ZFHX3: variants seen among roughly 807,000 people sequenced by gnomAD.
ZFHX3 encodes zinc finger homeobox protein 3.
Under a neutral mutation model 279.1 loss-of-function variants are expected in ZFHX3, and 42 were observed. The ratio of observed to expected loss-of-function variants is 0.15; its 90% CI spans 0.12 to 0.19. The LOEUF (loss-of-function observed/expected upper bound fraction) is 0.19. ZFHX3 is among the 10% of genes least tolerant of loss of function. The pLI is 1.00. For missense variants in ZFHX3, 4,981 were observed against 4,754.0 expected, an observed-to-expected ratio of 1.05 and a Z score of -1.40; for synonymous variants, 2,293 against 1,957.8, an observed-to-expected ratio of 1.17 and a Z score of -4.52.
intron 2 of ZFHX3, among the ~76,000 whole-genome samples, chr16:73,588,754 C>A (rs1039041161): frequency 6.7e-6 from 1 of 149,216 alleles, no homozygotes; most frequent in Non-Finnish European, 1.5e-5. Context: ...ATAGTCAACA[C>A]CCCCAAGGAC....
chr16:72,974,425 A>T (rs988901334), intron 1 of ZFHX3, among the ~76,000 whole-genome samples: 3 of 152,218 alleles, frequency 2.0e-5, no homozygotes, highest in Non-Finnish European at 4.4e-5. Flanking sequence ...AATGACTCTG[A>T]AACAAGGAGT....
intron 4 of ZFHX3, among the ~76,000 whole-genome samples, chr16:72,888,058 A>C (rs1012172938): frequency 6.6e-6 from 1 of 152,170 alleles, no homozygotes; most frequent in Non-Finnish European, 1.5e-5. Context: ...TAAAAACAAG[A>C]AACAGTCGTA....
chr16:72,930,142 C>T (rs1158577073), intron 3 of ZFHX3, among the ~76,000 whole-genome samples: 6 of 152,144 alleles, frequency 3.9e-5, no homozygotes, highest in Admixed American at 1.3e-4. Flanking sequence ...CACTTGAACA[C>T]GGGAGGTGGA....
At chr16:73,330,424 T>C (rs1410916166) in intron 3 of ZFHX3, among the ~76,000 whole-genome samples, 1 of 152,150 alleles carries the variant, frequency 6.6e-6, no homozygotes, top group South Asian at 2.1e-4. Flanking sequence ...TGTTAGAGGA[T>C]CATGCAAAGT....
intron 6 of ZFHX3, among the ~76,000 whole-genome samples, chr16:73,133,015 G>A (rs1966721201): frequency 6.6e-6 from 1 of 152,196 alleles, no homozygotes; most frequent in Non-Finnish European, 1.5e-5. Flanking sequence ...CTCCAGTGAT[G>A]AGCAACCTTG....
chr16:73,752,201 T>C (rs1191476306), intron 1 of ZFHX3, among the ~76,000 whole-genome samples: 2 of 152,038 alleles, frequency 1.3e-5, no homozygotes, highest in East Asian at 1.9e-4. Flanking sequence ...CAGGTAAATG[T>C]CTTGAGCTTG....
chr16:73,313,691 G>A (rs2015380226), intron 4 of ZFHX3, among the ~76,000 whole-genome samples: 1 of 152,150 alleles, frequency 6.6e-6, no homozygotes, highest in South Asian at 2.1e-4. Flanking sequence ...TCATAAAAAT[G>A]GCACAAACAT....
At chr16:73,091,602 G>A (rs1966083288) in intron 8 of ZFHX3, among the ~76,000 whole-genome samples, 1 of 152,180 alleles carries the variant, frequency 6.6e-6, no homozygotes, top group Non-Finnish European at 1.5e-5. Context: ...TTTCCTCTGA[G>A]GACCCTGATA....
intron 3 of ZFHX3, among the ~76,000 whole-genome samples, chr16:72,901,787 C>G (rs4788480): frequency 6.6e-6 from 1 of 152,044 alleles, no homozygotes; most frequent in South Asian, 2.1e-4. Flanking sequence ...GCAGAACGGA[C>G]GGCCACGTGG....
At chr16:73,652,473 A>G (rs941353571) in intron 2 of ZFHX3, among the ~76,000 whole-genome samples, 2 of 152,246 alleles carry the variant, frequency 1.3e-5, no homozygotes, top group Admixed American at 1.3e-4. Flanking sequence ...AAAGAAAATA[A>G]AATTTTTTGA....
chr16:73,763,767 G>T (rs1320570553), intron 1 of ZFHX3, among the ~76,000 whole-genome samples: 1 of 152,146 alleles, frequency 6.6e-6, no homozygotes, highest in African/African-American at 2.4e-5. Flanking sequence ...TCATAGGTGG[G>T]CCTGACCTAA....
At chr16:73,175,766 G>C (rs1379644556) in intron 5 of ZFHX3, among the ~76,000 whole-genome samples, 1 of 152,100 alleles carries the variant, frequency 6.6e-6, no homozygotes, top group Non-Finnish European at 1.5e-5. Flanking sequence ...ACTCTTTAGA[G>C]ATCTTCTCTA....
At chr16:73,587,474 T>C (rs1278618719) in intron 2 of ZFHX3, among the ~76,000 whole-genome samples, 1 of 152,214 alleles carries the variant, frequency 6.6e-6, no homozygotes, top group Non-Finnish European at 1.5e-5. Flanking sequence ...GTTGACTGCA[T>C]TTAAGCAACA....
intron 1 of ZFHX3, among the ~76,000 whole-genome samples, chr16:72,974,565 G>A (rs1417410981): frequency 1.2e-5 from 1 of 80,872 alleles, no homozygotes; most frequent in Non-Finnish European, 2.5e-5. Context: ...TCACTGATAG[G>A]GCAACACACA....
intron 3 of ZFHX3, among the ~76,000 whole-genome samples, chr16:73,393,325 A>G (rs1217161279): frequency 1.3e-5 from 2 of 152,168 alleles, no homozygotes; most frequent in East Asian, 3.8e-4. Context: ...GTCAGTCTCA[A>G]TGGGCTGATG....
chr16:73,149,019 T>TA (rs1311351334), intron 5 of ZFHX3, among the ~76,000 whole-genome samples: 3 of 138,316 alleles, frequency 2.2e-5, no homozygotes, highest in African/African-American at 7.6e-5. Context: ...ATATATATAT[T>TA]TTATATATAT....
rs935568180 is a variant in ZFHX3, at chr16:72,783,040, T to C, written c.*4124A>G. The C allele has an allele frequency of 4.6e-5, 7 of 152,660 alleles. No individual in the cohort carries two copies. The highest frequency in any genetic ancestry group is 1.4e-4 in the African/African-American group (6 of 41,452). The allele number at this position is 152,660 out of a possible 1,614,324, so 9.5% of individuals were successfully genotyped here. A position where few individuals can be genotyped will look rare whatever the true frequency, so the allele number is the denominator to read the frequency against. ...TTTTTTTTTCAGTTTGAAAGTTCCATGTGGTTCTGTTTGTTAGTCTCCATG... is the reference window on the plus strand; with the variant it reads ...TTTTTTTTTCAGTTTGAAAGTTCCACGTGGTTCTGTTTGTTAGTCTCCATG... On this transcript the variant is annotated 3_prime_UTR_variant, in exon 10 of 10. Transcript: ENST00000268489.
Position 73,839,983 on chromosome 16 carries a change from C to T in ZFHX3, c.-1608+51668G>A, listed in dbSNP as rs187362573. On this transcript the variant is annotated intron_variant, in intron 1 of 17. Coordinates refer to the ZFHX3 transcript ENST00000641206. ...TCCTGGACCCATCCTCTGTGTCCTC[C>T]CATGTTCAATAACTCTCTCAAATCC... 1.6e-4 allele frequency among the ~76,000 whole-genome samples: 24 copies of T among 152,306 alleles called. No individual in the cohort carries two copies. The East Asian group carries it at 4.4e-3, about 28-fold the overall frequency.
At chr16:73,643,525 C>T (rs2052591706) in intron 2 of ZFHX3, among the ~76,000 whole-genome samples, 2 of 152,230 alleles carry the variant, frequency 1.3e-5, no homozygotes, top group African/African-American at 4.8e-5. Flanking sequence ...TATACATTTG[C>T]AGTCAATGAC....
Sources: gnomAD v4.1 joint callset for allele counts (sites outside exome capture counted in the v4.1 genomes callset) on GRCh38, gnomAD v4.1.1 for gene constraint, MANE v1.5 for transcripts, NCBI Gene and HGNC (gene_info 2026-07-23, HGNC 2026-07-21) for gene names.